The following PRELID3B variants were observed in gnomAD, a reference collection of about 807,000 sequenced individuals.
PRELID3B encodes the protein PRELI domain containing 3B, also known as PRELI domain containing protein 3B.
A neutral mutation model predicts 24.0 loss-of-function variants in PRELID3B; 15 were observed. The observed-to-expected ratio is 0.63, with a 90% confidence interval of 0.42 to 0.96. The LOEUF (loss-of-function observed/expected upper bound fraction) is 0.96, where lower values mean the gene tolerates loss of function less well. Among genes scored for constraint, PRELID3B ranks in the 40% least tolerant of loss-of-function variants. The pLI is 0.00. For synonymous variants in PRELID3B, 62 were observed against 76.0 expected (o/e 0.82, Z 0.96); for missense variants, 189 against 236.0 (o/e 0.80, Z 1.30).
At position 59,042,775 on chromosome 20, in the gene PRELID3B, C is replaced by G. The variant is rs376759770; in HGVS notation, c.-45G>C. 4.6e-5 allele frequency: 72 copies of G among 1,582,130 alleles called. 1 individual carries two copies. In the Middle Eastern group the frequency reaches 1.2e-3, roughly 26 times the overall value. On this transcript the variant is annotated 5_prime_UTR_variant, in exon 1 of 6. Transcript: ENST00000355937. The stretch of plus-strand genomic sequence containing the variant: ...ATGTCCGGGTAGCGCCAGGGGACAA[C>G]GAGGCACAGAGGCTACACCTGCCCC...
chr20:59,037,798 C>G (rs969530001), intron 2 of PRELID3B, among the ~76,000 whole-genome samples: 1 of 152,212 alleles, frequency 6.6e-6, no homozygotes, highest in Admixed American at 6.5e-5. Flanking sequence ...CTGCTCATTT[C>G]TGTGTCTGCA....
At position 59,034,813 on chromosome 20, in the gene PRELID3B, T is replaced by A. The variant is rs886879810; in HGVS notation, c.*194A>T. On this transcript the variant is annotated 3_prime_UTR_variant, in exon 6 of 6. Transcript: ENST00000355937. ...AATCAGATAGTAATTTCAAACAACATTAATTTCAGATGATCCCTTTTATTT... is the reference window on the plus strand; with the variant it reads ...AATCAGATAGTAATTTCAAACAACAATAATTTCAGATGATCCCTTTTATTT... The A allele has an allele frequency of 7.0e-6, 3 of 430,220 alleles. No individual in the cohort carries two copies. The highest frequency in any genetic ancestry group is 2.0e-5 in the African/African-American group (1 of 48,924). 26.7% of individuals were successfully genotyped at this position (430,220 alleles called of 1,614,324 possible). A position where few individuals can be genotyped will look rare whatever the true frequency, so the allele number is the denominator to read the frequency against.
chr20:59,037,251 A>G lies in PRELID3B; in HGVS notation c.231T>C (p.Tyr77=), dbSNP rs202102296. Residue 77 remains tyrosine (Y), a synonymous_variant, in exon 3 of 6, where the codon TAT becomes TAC. Transcript: ENST00000355937. ...GATCAACTACAGAATGTTCTTGCAC[A>G]TATGTTTTCGTTCTTGCTGCACCAA... ...SLIGAARTKT[Y]VQEHSVVDPV... 5.0e-6 allele frequency: 8 copies of G among 1,614,030 alleles called. No individual in the cohort carries two copies. The highest frequency in any genetic ancestry group is 2.2e-5 in the East Asian group (1 of 44,884).
chr20:59,037,149 G>T, intron 3 of PRELID3B, 42 bp downstream of exon 3: 3 of 1,452,334 alleles, frequency 2.1e-6, no homozygotes, highest in Non-Finnish European at 2.9e-6. Flanking sequence ...AAAGAACTCA[G>T]CCAGACAGTT....
chr20:59,038,613 T>G lies in PRELID3B; in HGVS notation c.54A>C (p.Thr18=). The G allele has an allele frequency of 6.2e-7, 1 of 1,606,346 alleles. No individual in the cohort carries two copies. The highest frequency in any genetic ancestry group is 1.1e-5 in the South Asian group (1 of 89,170). ...TTGGGTATTTCTGCATTGCAGCTGT[T>G]GTAACAGTTTCCCACGGGTGGCTGC... ...HVFDHPWETV[T]TAAMQKYPNP... is the part of the protein sequence containing the mutation. Residue 18 remains threonine (T), a synonymous_variant, in exon 2 of 6, where the codon ACA becomes ACC. Transcript: ENST00000355937.
chr20:59,037,722 T>C (rs1479630423), intron 2 of PRELID3B, among the ~76,000 whole-genome samples: 2 of 152,250 alleles, frequency 1.3e-5, no homozygotes, highest in Non-Finnish European at 2.9e-5. Context: ...GTTCTTACGA[T>C]GGAGGCTCAC....
chr20:59,038,012 G>A (rs1242837032), intron 2 of PRELID3B: 2 of 156,216 alleles, frequency 1.3e-5, no homozygotes, highest in African/African-American at 2.4e-5. Flanking sequence ...ATTCTTAAGG[G>A]AATAGAATTG....
rs1362203794 is a variant in PRELID3B at position 59,040,133 on chromosome 20, C to T, written c.33-1499G>A. 6.6e-6 allele frequency among the ~76,000 whole-genome samples: 1 copy of T among 152,204 alleles called. No individual in the cohort carries two copies. Among genetic ancestry groups the T allele is most frequent in the East Asian group, 1.9e-4 (1 of 5,200 alleles). ...ATCGCATGACTTCAGGGTGGTTATG[C>T]ATTATTTGTAATTTAGTCCATCTCT... is the stretch of plus-strand genomic sequence containing the variant. On this transcript the variant is annotated intron_variant, in intron 1 of 5. Coordinates refer to ENST00000355937, the MANE Select transcript of PRELID3B (RefSeq NM_016045.3). This position sits in a 1 kb window ranked among gnomAD's most constrained non-coding sequence, Gnocchi z 4.1.
chr20:59,042,737 G>A lies in PRELID3B; in HGVS notation c.-7C>T, dbSNP rs371664772. 101 of 1,601,232 alleles carry A rather than the reference G, an allele frequency of 6.3e-5. No homozygotes were observed. The African/African-American group carries it at 1.1e-3, about 18-fold the overall frequency. On this transcript the variant is annotated 5_prime_UTR_variant, in exon 1 of 6. Transcript: ENST00000355937. ...CCGAAGTCCAGATCTTCATGGTGCC[G>A]GCACCCTGAGAGATGTCCGGGTAGC... is the stretch of plus-strand genomic sequence containing the variant.
At chr20:59,039,326 T>C (rs1275382104) in intron 1 of PRELID3B, among the ~76,000 whole-genome samples, 3 of 152,256 alleles carry the variant, frequency 2.0e-5, no homozygotes. Flanking sequence ...AATAAGCACT[T>C]GCTTATCACC....
In PRELID3B at chr20:59,037,210, A is replaced by T. The variant is rs747364792; in HGVS notation, c.272T>A (p.Met91Lys). 8.7e-6 allele frequency: 14 copies of T among 1,613,378 alleles called. No individual in the cohort carries two copies. Among genetic ancestry groups the T allele is most frequent in the African/African-American group, 2.7e-5 (2 of 74,926 alleles). ...HSVVDPVEKT[M>K]ELKSTNISFT... ...ACTTACATTAGTAGATTTAAGTTCC[A>T]TTGTTTTCTCTACAGGATCAACTAC... is the stretch of plus-strand genomic sequence containing the variant. The change falls in exon 3 of 6, where the codon ATG becomes AAG. Residue 91 changes from methionine to lysine, a missense_variant. Transcript: ENST00000355937.
At chr20:59,042,287 C>A (rs1185167557) in intron 1 of PRELID3B, among the ~76,000 whole-genome samples, 1 of 152,254 alleles carries the variant, frequency 6.6e-6, no homozygotes, top group Non-Finnish European at 1.5e-5. Context: ...TGGAGAAAAC[C>A]AACACCTCCC....
rs575773739 is a variant in PRELID3B, at chr20:59,033,686, CT to C, written c.*1320del. On this transcript the variant is annotated 3_prime_UTR_variant, in exon 6 of 6. Coordinates refer to ENST00000355937, the MANE Select transcript of PRELID3B (RefSeq NM_016045.3). ...CTGGTCTCTTGGATAGGAAACATGA[CT>C]AGAAGTTTATCACACTAAGCACTGT... 75 of 152,248 alleles carry C rather than the reference CT, an allele frequency of 4.9e-4. No individual in the cohort carries two copies. The highest frequency in any genetic ancestry group is 1.8e-3 in the African/African-American group (74 of 41,532). 9.4% of individuals were successfully genotyped at this position (152,248 alleles called of 1,614,324 possible).
In PRELID3B at chr20:59,037,215, T is replaced by C. The variant is rs368036964; in HGVS notation, c.267A>G (p.Lys89=). ...QEHSVVDPVE[K]TMELKSTNIS... ...CATTAGTAGATTTAAGTTCCATTGT[T>C]TTCTCTACAGGATCAACTACAGAAT... The change falls in exon 3 of 6, where the codon AAA becomes AAG. Residue 89 remains lysine (K), a synonymous_variant. Transcript: ENST00000355937. The C allele has an allele frequency of 1.9e-6, 3 of 1,613,654 alleles. No homozygotes were observed. The African/African-American group carries it at 4.0e-5, about 22-fold the overall frequency.
chr20:59,037,570 C>T (rs913172799), intron 2 of PRELID3B, among the ~76,000 whole-genome samples: 5 of 152,292 alleles, frequency 3.3e-5, no homozygotes, highest in African/African-American at 9.6e-5. Flanking sequence ...GACGGTGGAG[C>T]GCTGAGGCTG....
chr20:59,035,881 A>G (rs1348659786), intron 5 of PRELID3B, among the ~76,000 whole-genome samples: 1 of 152,094 alleles, frequency 6.6e-6, no homozygotes, highest in African/African-American at 2.4e-5. Context: ...CACATTCACC[A>G]TGTGTTATGT....
At chr20:59,037,319 G>A in intron 2 of PRELID3B, 39 bp from the exon 3 acceptor site, 2 of 1,417,682 alleles carry the variant, frequency 1.4e-6, no homozygotes, top group Non-Finnish European at 2.0e-6. Flanking sequence ...AGAGGAGGAA[G>A]AATTTCTTAC....
intron 2 of PRELID3B, among the ~76,000 whole-genome samples, chr20:59,037,616 T>C (rs1438397924): frequency 1.3e-5 from 2 of 152,162 alleles, no homozygotes; most frequent in Non-Finnish European, 1.5e-5. Flanking sequence ...ACATGGCAGC[T>C]AGAAAAAGGA....
At chr20:59,039,505 C>A (rs181391351) in intron 1 of PRELID3B, among the ~76,000 whole-genome samples, 1 of 152,268 alleles carries the variant, frequency 6.6e-6, no homozygotes, top group Admixed American at 6.5e-5. Context: ...TCAAAAGGAC[C>A]CCTTATTAAG....
Sources: allele counts gnomAD v4.1 joint callset (sites outside exome capture counted in the v4.1 genomes callset), GRCh38; gene constraint gnomAD v4.1.1; non-coding constraint Gnocchi (gnomAD v3.1); transcripts MANE v1.5; gene names NCBI Gene and HGNC (gene_info 2026-07-23, HGNC 2026-07-21).